Variants in LRRC7 observed in about 807,000 individuals in gnomAD.
LRRC7 encodes the protein leucine rich repeat containing 7, also known as leucine-rich repeat-containing protein 7.
A neutral mutation model predicts 175.7 loss-of-function variants in LRRC7; 23 were observed. That is an observed-to-expected ratio of 0.13 (90% CI 0.09 to 0.19). The LOEUF is 0.19. LRRC7 is among the 10% of genes least tolerant of loss of function. LRRC7 has a pLI of 1.00. For synonymous variants in LRRC7, 685 were observed against 680.9 expected, an observed-to-expected ratio of 1.01 and a Z score of -0.09; for missense variants, 1,354 against 1,904.7, an observed-to-expected ratio of 0.71 and a Z score of 5.38.
chr1:69,901,042 TA>T (rs1207479605), intron 7 of LRRC7, among the ~76,000 whole-genome samples: 2 of 152,216 alleles, frequency 1.3e-5, no homozygotes. Flanking sequence ...TTGAGGAATT[TA>T]GACTTTTTCT....
intron 26 of LRRC7, among the ~76,000 whole-genome samples, chr1:70,115,641 C>T (rs1386836526): frequency 2.0e-5 from 3 of 152,070 alleles, no homozygotes; most frequent in Non-Finnish European, 4.4e-5. Flanking sequence ...GCAATGTAAA[C>T]AATGTTATAT....
At position 69,776,329 on chromosome 1, in the gene LRRC7, T is replaced by C. The variant is rs372041569; in HGVS notation, c.304-15714T>C. Reference sequence around the variant, plus strand: ...TGACGGTAATTGCTATGAGCTACAATACAGTAAAGAATACAAAAAAGCTGG... The same window carrying C: ...TGACGGTAATTGCTATGAGCTACAACACAGTAAAGAATACAAAAAAGCTGG... On this transcript the variant is annotated intron_variant, in intron 3 of 26. Transcript: ENST00000651989. Among the ~76,000 whole-genome samples the C allele has an allele frequency of 1.6e-4, 24 of 152,222 alleles. No individual in the cohort carries two copies. The East Asian group carries it at 2.7e-3, about 17-fold the overall frequency.
intron 8 of LRRC7, among the ~76,000 whole-genome samples, chr1:69,937,316 T>C (rs1648147048): frequency 6.6e-6 from 1 of 152,150 alleles, no homozygotes; most frequent in Admixed American, 6.6e-5. Flanking sequence ...TAGATATTCT[T>C]TATCAGGTTC....
At chr1:69,855,078 C>T (rs1156609448) in intron 7 of LRRC7, among the ~76,000 whole-genome samples, 1 of 152,048 alleles carries the variant, frequency 6.6e-6, no homozygotes, top group African/African-American at 2.4e-5. Context: ...ATGGTTGATG[C>T]ATGATAAATG....
At chr1:70,011,532 T>C (rs1656509992) in intron 11 of LRRC7, among the ~76,000 whole-genome samples, 1 of 152,128 alleles carries the variant, frequency 6.6e-6, no homozygotes, top group Admixed American at 6.6e-5. Flanking sequence ...ACCTAAGTTG[T>C]AAACAAATGA....
intron 7 of LRRC7, among the ~76,000 whole-genome samples, chr1:69,881,315 G>C (rs956674979): frequency 1.3e-5 from 2 of 152,118 alleles, no homozygotes. Context: ...TCTAAAATCA[G>C]TCCCTGTATC....
At chr1:69,587,188 C>T (rs1484783482) in intron 1 of LRRC7, among the ~76,000 whole-genome samples, 1 of 152,110 alleles carries the variant, frequency 6.6e-6, no homozygotes, top group East Asian at 1.9e-4. Flanking sequence ...ATTACTTACT[C>T]GTCCAAACTT....
intron 2 of LRRC7, among the ~76,000 whole-genome samples, chr1:69,722,157 T>G (rs936784081): frequency 6.6e-6 from 1 of 151,980 alleles, no homozygotes; most frequent in Non-Finnish European, 1.5e-5. Flanking sequence ...ATATATATTT[T>G]CTCCTTTTCC....
intron 1 of LRRC7, among the ~76,000 whole-genome samples, chr1:69,629,607 C>A (rs141230290): frequency 1.3e-5 from 2 of 152,082 alleles, no homozygotes. Context: ...TCTCCAAATT[C>A]TCTTTATTTC....
At chr1:69,577,371 C>T (rs1645997865) in intron 1 of LRRC7, among the ~76,000 whole-genome samples, 1 of 152,204 alleles carries the variant, frequency 6.6e-6, no homozygotes, top group South Asian at 2.1e-4. Flanking sequence ...TGTGCAGAAG[C>T]TCTTTAGTTT....
rs1172403797 is a variant in LRRC7 at position 70,082,781 on chromosome 1, A to ATTT, written c.4452+6512_4452+6514dup. On this transcript the variant is annotated intron_variant, in intron 24 of 26. Coordinates refer to ENST00000651989, the MANE Select transcript of LRRC7 (RefSeq NM_001370785.2). ...TATTAGTCAATCTTGATACCAGTAC[A>ATTT]TTTTTTTTTTTTTTTTTTTTTTTTT... 9.5e-3 allele frequency among the ~76,000 whole-genome samples: 496 copies of ATTT among 52,182 alleles called. 112 individuals are homozygous for ATTT. Among genetic ancestry groups the ATTT allele is most frequent in the African/African-American group, 0.027 (439 of 16,060 alleles). The allele number at this position is 52,182 out of a possible 152,430, so 34.2% of individuals were successfully genotyped here. A position where few individuals can be genotyped will look rare whatever the true frequency, so the allele number is the denominator to read the frequency against.
At chr1:69,945,881 G>A (rs1021714805) in intron 8 of LRRC7, among the ~76,000 whole-genome samples, 1 of 152,066 alleles carries the variant, frequency 6.6e-6, no homozygotes, top group Admixed American at 6.6e-5. Flanking sequence ...TAATTTTAGT[G>A]GAACCTTTGG....
intron 1 of LRRC7, among the ~76,000 whole-genome samples, chr1:69,620,046 T>C (rs1650309049): frequency 6.6e-6 from 1 of 152,168 alleles, no homozygotes; most frequent in Non-Finnish European, 1.5e-5. Flanking sequence ...TCCAAAATAT[T>C]CTGAAGACAC....
intron 2 of LRRC7, among the ~76,000 whole-genome samples, chr1:69,755,705 G>A (rs1277652118): frequency 4.0e-5 from 6 of 151,776 alleles, no homozygotes; most frequent in Admixed American, 3.3e-4. Context: ...AGAAATTGAA[G>A]AGACTTAGTA....
chr1:69,817,027 A>G (rs1269220129), intron 4 of LRRC7, among the ~76,000 whole-genome samples: 1 of 152,152 alleles, frequency 6.6e-6, no homozygotes, highest in Non-Finnish European at 1.5e-5. Flanking sequence ...TACTATGTGC[A>G]TATATTATAT....
At chr1:69,736,563 T>A (rs1309858054) in intron 2 of LRRC7, among the ~76,000 whole-genome samples, 1 of 152,124 alleles carries the variant, frequency 6.6e-6, no homozygotes, top group East Asian at 1.9e-4. Flanking sequence ...GAACAAAACA[T>A]CTTCTGAGAG....
intron 1 of LRRC7, among the ~76,000 whole-genome samples, chr1:69,673,443 C>G (rs575799043): frequency 6.6e-6 from 1 of 152,330 alleles, no homozygotes; most frequent in East Asian, 1.9e-4. Context: ...CACCTGTGGT[C>G]ATTACATTTA....
chr1:69,687,745 A>T (rs539593349), intron 2 of LRRC7, among the ~76,000 whole-genome samples: 1 of 152,042 alleles, frequency 6.6e-6, no homozygotes, highest in Non-Finnish European at 1.5e-5. Flanking sequence ...AATTTCTTTA[A>T]TATTAGCAAG....
chr1:70,045,248 G>A (rs555175263), intron 22 of LRRC7, among the ~76,000 whole-genome samples: 2 of 152,132 alleles, frequency 1.3e-5, no homozygotes, highest in South Asian at 2.1e-4. Flanking sequence ...CAGGACCAGT[G>A]GAGTGCTGGT....
Sources: gnomAD v4.1 joint callset for allele counts (sites outside exome capture counted in the v4.1 genomes callset) on GRCh38, gnomAD v4.1.1 for gene constraint, MANE v1.5 for transcripts, NCBI Gene and HGNC (gene_info 2026-07-23, HGNC 2026-07-21) for gene names.